The following P4HA1 variants were observed in gnomAD, a reference collection of about 807,000 sequenced individuals.
The protein encoded by P4HA1 is prolyl 4-hydroxylase subunit alpha-1.
In P4HA1, 24 loss-of-function variants were observed where a neutral mutation model predicts 72.8. That is an observed-to-expected ratio of 0.33 (90% CI 0.24 to 0.46). The LOEUF (loss-of-function observed/expected upper bound fraction) is 0.46, where lower values mean the gene tolerates loss of function less well. P4HA1 is among the 20% of genes least tolerant of loss of function. The probability of loss-of-function intolerance (pLI) is 1.00; values close to 1 mark genes in which losing one functional copy is unlikely to be tolerated. For synonymous variants in P4HA1, 201 were observed against 218.8 expected (o/e 0.92, Z 0.72); for missense variants, 446 against 640.6 (o/e 0.70, Z 3.28).
In P4HA1 at chr10:73,008,200, G is replaced by A. The variant is rs752211592; in HGVS notation, c.*22C>T. 20 of 1,511,690 alleles carry A rather than the reference G, an allele frequency of 1.3e-5. 1 individual carries two copies. Among genetic ancestry groups the A allele is most frequent in the Non-Finnish European group, 1.7e-5 (19 of 1,088,100 alleles). 93.6% of individuals were successfully genotyped at this position (1,511,690 alleles called of 1,614,324 possible). Reference sequence around the variant, plus strand: ...CAGACACATAAGAGTACAACAATAGGAGAAAAAGGGAAGCCTGTTTGTCAT... The same window carrying A: ...CAGACACATAAGAGTACAACAATAGAAGAAAAAGGGAAGCCTGTTTGTCAT... On this transcript the variant is annotated 3_prime_UTR_variant, in exon 15 of 15. Coordinates refer to ENST00000394890, the MANE Select transcript of P4HA1 (RefSeq NM_001017962.3).
chr10:73,037,569 A>AT (rs1368544736), intron 9 of P4HA1, among the ~76,000 whole-genome samples: 47 of 26,726 alleles, frequency 1.8e-3, no homozygotes, highest in Non-Finnish European at 2.4e-3. Context: ...ATATATATAT[A>AT]TATTTTTTTT....
intron 8 of P4HA1, 89 bp downstream of exon 8, chr10:73,046,836 T>C: frequency 1.1e-6 from 1 of 952,158 alleles, no homozygotes; most frequent in Admixed American, 2.3e-5. Context: ...TGTGGCATTA[T>C]TCGTATATCA....
intron 9 of P4HA1, chr10:73,043,910 T>G: frequency 8.7e-6 from 14 of 1,612,666 alleles, no homozygotes; most frequent in Non-Finnish European, 1.2e-5. Context: ...TGTACTGTGC[T>G]GTGGTCAATT....
intron 7 of P4HA1, among the ~76,000 whole-genome samples, chr10:73,049,857 T>C (rs772627149): frequency 3.9e-5 from 6 of 152,168 alleles, no homozygotes; most frequent in Non-Finnish European, 5.9e-5. Flanking sequence ...AGTAGTGTTA[T>C]TGTCTCTAAT....
intron 8 of P4HA1, 70 bp downstream of exon 8, chr10:73,046,855 A>AT (rs904568343): frequency 1.3e-5 from 15 of 1,194,994 alleles, no homozygotes; most frequent in East Asian, 2.3e-5. Flanking sequence ...CAATTATCCT[A>AT]TTTTTTTACA....
intron 10 of P4HA1, among the ~76,000 whole-genome samples, chr10:73,020,858 G>A (rs1489582447): frequency 6.6e-6 from 1 of 152,234 alleles, no homozygotes; most frequent in Non-Finnish European, 1.5e-5. Flanking sequence ...ATCCTGGCCA[G>A]GCACAGTGGC....
chr10:73,060,295 TTC>T, intron 5 of P4HA1, among the ~76,000 whole-genome samples: 1 of 152,354 alleles, frequency 6.6e-6, no homozygotes, highest in African/African-American at 2.4e-5. Context: ...CCCTGTGGTT[TTC>T]AATTTGAACA....
In P4HA1 at chr10:73,014,400, C is replaced by T. The variant is rs185024591; in HGVS notation, c.1303-111G>A. ...TCCTGAAGAATATGCCAACAACAAC[C>T]GCAAAAGTTTCCCTTGTAATGTCCA... On this transcript the variant is annotated intron_variant, in intron 11 of 14. Transcript: ENST00000394890. 1.9e-3 allele frequency: 1,478 copies of T among 779,984 alleles called. 4 individuals are homozygous for T. The highest frequency in any genetic ancestry group is 1.9e-3 in the Non-Finnish European group (854 of 457,364). The allele number at this position is 779,984 out of a possible 1,614,324, so 48.3% of individuals were successfully genotyped here.
At chr10:73,067,690 C>A (rs928791249) in intron 5 of P4HA1, among the ~76,000 whole-genome samples, 8 of 152,142 alleles carry the variant, frequency 5.3e-5, no homozygotes, top group African/African-American at 1.9e-4. Context: ...TCTCCCTCTC[C>A]CCCATTTTTC....
chr10:73,012,722 C>A (rs1201043572), intron 12 of P4HA1, among the ~76,000 whole-genome samples: 2 of 152,028 alleles, frequency 1.3e-5, no homozygotes, highest in African/African-American at 4.8e-5. Flanking sequence ...AGATGTAATT[C>A]AAATAGGGCT....
Position 73,066,290 on chromosome 10 carries a change from C to T in P4HA1, c.463+2556G>A, listed in dbSNP as rs148913305. 1.8e-3 allele frequency among the ~76,000 whole-genome samples: 272 copies of T among 151,806 alleles called. 3 individuals carry two copies. Among genetic ancestry groups the T allele is most frequent in the African/African-American group, 6.2e-3 (258 of 41,360 alleles). On this transcript the variant is annotated intron_variant, in intron 5 of 14. Transcript: ENST00000394890. Reference sequence around the variant, plus strand: ...GAAAGAAAAGTCAATAAGAACTAGCCCAAAACTGTGATAAAAGAGGAAAAA... The same window carrying T: ...GAAAGAAAAGTCAATAAGAACTAGCTCAAAACTGTGATAAAAGAGGAAAAA...
chr10:73,009,925 T>C, intron 13 of P4HA1, 22 bp from the exon 14 acceptor site: 1 of 1,283,992 alleles, frequency 7.8e-7, no homozygotes, highest in South Asian at 1.2e-5. Flanking sequence ...AATTCACAAT[T>C]ATCCCCAAGT....
chr10:73,096,159 C>T (rs1013652964), intron 1 of P4HA1, among the ~76,000 whole-genome samples: 1 of 152,216 alleles, frequency 6.6e-6, no homozygotes. Flanking sequence ...CTCGGCGCCC[C>T]GGGCTACGTC....
chr10:73,029,906 AAAAT>A (rs890079574), intron 10 of P4HA1, among the ~76,000 whole-genome samples: 4 of 152,192 alleles, frequency 2.6e-5, no homozygotes, highest in African/African-American at 9.6e-5. Context: ...TGTTTGCTTA[AAAAT>A]AAATAAATAA....
intron 10 of P4HA1, among the ~76,000 whole-genome samples, chr10:73,017,795 CAA>C (rs1444919694): frequency 2.0e-5 from 3 of 152,130 alleles, no homozygotes; most frequent in African/African-American, 7.2e-5. Context: ...CTCTTAATTA[CAA>C]TGTAACTTTG....
chr10:73,085,143 A>T (rs1413392383), intron 1 of P4HA1, among the ~76,000 whole-genome samples: 4 of 107,844 alleles, frequency 3.7e-5, no homozygotes, highest in Non-Finnish European at 1.7e-5. Context: ...CATCTCATTT[A>T]AAAAAAAAAA....
chr10:73,064,785 G>A (rs1841383462), intron 5 of P4HA1, among the ~76,000 whole-genome samples: 1 of 149,692 alleles, frequency 6.7e-6, no homozygotes, highest in Non-Finnish European at 1.5e-5. Flanking sequence ...AGGTTGCAGT[G>A]AGCCGAGCTG....
intron 10 of P4HA1, among the ~76,000 whole-genome samples, chr10:73,029,865 CTA>C (rs1407515147): frequency 6.6e-6 from 1 of 151,682 alleles, no homozygotes; most frequent in African/African-American, 2.4e-5. Context: ...GAAAAAAGTC[CTA>C]TGTTTCACTA....
chr10:73,040,722 T>C (rs1840711622), intron 9 of P4HA1, among the ~76,000 whole-genome samples: 1 of 152,118 alleles, frequency 6.6e-6, no homozygotes, highest in Non-Finnish European at 1.5e-5. Context: ...TCCACCCACC[T>C]TGGCCTCCCA....
Sources: gnomAD v4.1 joint callset for allele counts (sites outside exome capture counted in the v4.1 genomes callset) on GRCh38, gnomAD v4.1.1 for gene constraint, MANE v1.5 for transcripts, NCBI Gene and HGNC (gene_info 2026-07-23, HGNC 2026-07-21) for gene names.